The following ARSB variants were observed in gnomAD, a reference collection of about 807,000 sequenced individuals.
ARSB encodes N-acetylgalactosamine-4-sulfatase.
Under a neutral mutation model 50.9 loss-of-function variants are expected in ARSB, and 41 were observed. That is an observed-to-expected ratio of 0.81 (90% CI 0.63 to 1.04). ARSB has a LOEUF of 1.04. Among genes scored for constraint, ARSB ranks in the 50% least tolerant of loss-of-function variants. The pLI is 0.00. For missense variants in ARSB, 672 were observed against 693.3 expected (o/e 0.97, Z 0.35); for synonymous variants, 269 against 284.8 (o/e 0.94, Z 0.56).
At chr5:78,944,230 C>T (rs1271687357) in intron 4 of ARSB, among the ~76,000 whole-genome samples, 2 of 152,198 alleles carry the variant, frequency 1.3e-5, no homozygotes, top group African/African-American at 4.8e-5. Context: ...CGAACTTCCT[C>T]CTTTAGCTCG....
At chr5:78,918,478 CA>C (rs1749656933) in intron 4 of ARSB, among the ~76,000 whole-genome samples, 1 of 152,062 alleles carries the variant, frequency 6.6e-6, no homozygotes, top group Non-Finnish European at 1.5e-5. Context: ...GCCCCAAGCC[CA>C]GTTTTCTCTA....
intron 2 of ARSB, among the ~76,000 whole-genome samples, chr5:78,967,392 A>T (rs528623720): frequency 1.3e-5 from 2 of 152,190 alleles, no homozygotes; most frequent in Non-Finnish European, 2.9e-5. Context: ...TTCAAATCTC[A>T]GGCTGGGCGC....
intron 1 of ARSB, among the ~76,000 whole-genome samples, chr5:78,976,477 G>A (rs574569083): frequency 6.6e-6 from 1 of 151,506 alleles, no homozygotes; most frequent in African/African-American, 2.4e-5. Context: ...CACCACACTT[G>A]GTTAATTTTT....
At chr5:78,935,999 TTTTC>T (rs199557091) in intron 4 of ARSB, among the ~76,000 whole-genome samples, 87,104 of 104,750 alleles carry the variant, frequency 0.83, 39,043 homozygotes, top group Non-Finnish European at 0.97. Context: ...TCCTCCTTTC[TTTTC>T]TTTCTGTCTT....
chr5:78,962,722 G>T lies in ARSB; in HGVS notation c.690+1694C>A, dbSNP rs576369023. Among the ~76,000 whole-genome samples the T allele has an allele frequency of 2.0e-5, 3 of 152,072 alleles. No individual in the cohort carries two copies. The South Asian group carries it at 6.2e-4, about 32-fold the overall frequency. Reference sequence around the variant, plus strand: ...TTTTTGTATTTTTAGTAGAGACGGGGTTTCTATTATTTTTTAATGAATGTC... The same window carrying T: ...TTTTTGTATTTTTAGTAGAGACGGGTTTTCTATTATTTTTTAATGAATGTC... On this transcript the variant is annotated intron_variant, in intron 3 of 7. Transcript: ENST00000264914.
chr5:78,814,573 C>A (rs1210995269), intron 6 of ARSB, among the ~76,000 whole-genome samples: 1 of 150,734 alleles, frequency 6.6e-6, no homozygotes, highest in African/African-American at 2.5e-5. Context: ...CATGTAGGAA[C>A]ATTCTTCCTC....
chr5:78,880,301 A>G (rs190488309), intron 5 of ARSB, among the ~76,000 whole-genome samples: 12 of 152,364 alleles, frequency 7.9e-5, no homozygotes, highest in African/African-American at 2.9e-4. Context: ...CTATATGGAC[A>G]AACATCAATG....
chr5:78,887,177 C>G (rs190611540), intron 4 of ARSB, among the ~76,000 whole-genome samples: 1 of 152,276 alleles, frequency 6.6e-6, no homozygotes, highest in Admixed American at 6.5e-5. Context: ...GCTCACAATT[C>G]TGATGACTGA....
chr5:78,970,260 G>A (rs1752394645), intron 1 of ARSB, among the ~76,000 whole-genome samples: 1 of 152,164 alleles, frequency 6.6e-6, no homozygotes, highest in Admixed American at 6.5e-5. Context: ...CAGGTTAAAT[G>A]CAGAAGCAGA....
chr5:78,820,510 G>A (rs557257180), intron 6 of ARSB, among the ~76,000 whole-genome samples: 69 of 151,916 alleles, frequency 4.5e-4, no homozygotes, highest in African/African-American at 1.3e-3. Context: ...GCAGTGAGTC[G>A]AAATCGCACC....
chr5:78,804,510 C>T (rs567321449), intron 6 of ARSB, among the ~76,000 whole-genome samples: 12 of 152,162 alleles, frequency 7.9e-5, no homozygotes, highest in Non-Finnish European at 1.8e-4. Context: ...TCTAACTTAT[C>T]AAGCAGGGTG....
At chr5:78,972,464 T>A (rs1190323532) in intron 1 of ARSB, among the ~76,000 whole-genome samples, 1 of 151,136 alleles carries the variant, frequency 6.6e-6, no homozygotes, top group East Asian at 1.9e-4. Context: ...GATGTTATAA[T>A]ATCCAGGCTG....
chr5:78,845,806 C>A (rs1745420535), intron 5 of ARSB, among the ~76,000 whole-genome samples: 1 of 152,102 alleles, frequency 6.6e-6, no homozygotes, highest in South Asian at 2.1e-4. Context: ...GAAGAGTTAG[C>A]AAATATTTTC....
At chr5:78,820,950 C>G (rs1290527622) in intron 6 of ARSB, among the ~76,000 whole-genome samples, 1 of 150,554 alleles carries the variant, frequency 6.6e-6, no homozygotes. Context: ...AAAAAAAAAC[C>G]CCACAACATT....
intron 6 of ARSB, among the ~76,000 whole-genome samples, chr5:78,796,056 T>C (rs1042966915): frequency 1.3e-5 from 2 of 152,218 alleles, no homozygotes; most frequent in African/African-American, 4.8e-5. Flanking sequence ...GATTGAGCAG[T>C]GTAAACCAAA....
At chr5:78,780,767 A>T in intron 7 of ARSB, 105 bp from the exon 8 acceptor site, 1 of 1,392,016 alleles carries the variant, frequency 7.2e-7, no homozygotes, top group Admixed American at 1.9e-5. Flanking sequence ...GTGGGTGTGG[A>T]AACATAAAAA....
intron 6 of ARSB, among the ~76,000 whole-genome samples, chr5:78,825,086 A>G (rs1744377519): frequency 6.6e-6 from 1 of 152,216 alleles, no homozygotes; most frequent in South Asian, 2.1e-4. Context: ...ACTCAAATCC[A>G]GTTGGTTTTT....
At chr5:78,941,493 G>T (rs182880) in intron 4 of ARSB, among the ~76,000 whole-genome samples, 5,337 of 150,818 alleles carry the variant, frequency 0.035, 293 homozygotes, top group African/African-American at 0.12. Flanking sequence ...TAGCATGAAG[G>T]GTTGTTGAAT....
chr5:78,874,163 T>C (rs1350860640), intron 5 of ARSB, among the ~76,000 whole-genome samples: 1 of 152,198 alleles, frequency 6.6e-6, no homozygotes, highest in Non-Finnish European at 1.5e-5. Context: ...TTGTAGAAAA[T>C]GTTTTAATAA....
Sources: allele counts gnomAD v4.1 joint callset (sites outside exome capture counted in the v4.1 genomes callset), GRCh38; gene constraint gnomAD v4.1.1; transcripts MANE v1.5; gene names NCBI Gene and HGNC (gene_info 2026-07-23, HGNC 2026-07-21).